Variants in PRKDC observed in about 807,000 individuals in gnomAD.
PRKDC encodes the protein protein kinase, DNA-activated, catalytic subunit.
Under a neutral mutation model 486.9 loss-of-function variants are expected in PRKDC, and 82 were observed. The ratio of observed to expected loss-of-function variants is 0.17; its 90% CI spans 0.14 to 0.20. The LOEUF (loss-of-function observed/expected upper bound fraction) is 0.20, where lower values mean the gene tolerates loss of function less well. Ranked by LOEUF, PRKDC falls within the 10% of genes least tolerant of loss-of-function variation. PRKDC has a pLI of 1.00. For synonymous variants in PRKDC, 1,895 were observed against 1,837.0 expected, an observed-to-expected ratio of 1.03 and a Z score of -0.81; for missense variants, 4,504 against 5,038.2, an observed-to-expected ratio of 0.89 and a Z score of 3.21.
At chr8:47,810,301 T>A (rs766031168) in intron 68 of PRKDC, among the ~76,000 whole-genome samples, 1 of 152,242 alleles carries the variant, frequency 6.6e-6, no homozygotes, top group South Asian at 2.1e-4. Context: ...CAGACCACAC[T>A]CACATAACGT....
intron 51 of PRKDC, 41 bp from the exon 52 acceptor site, chr8:47,852,825 A>G (rs1249410748): frequency 8.0e-7 from 1 of 1,253,706 alleles, no homozygotes; most frequent in South Asian, 1.3e-5. Flanking sequence ...CAAATAAACC[A>G]TTCTGTTGTT....
intron 51 of PRKDC, 79 bp downstream of exon 51, chr8:47,853,995 CTTAAAATTA>C: frequency 1.3e-6 from 2 of 1,516,038 alleles, no homozygotes; most frequent in Non-Finnish European, 1.8e-6. Context: ...GGGTCTGGTC[CTTAAAATTA>C]TCAAAACTGC....
chr8:47,788,790 G>T, intron 76 of PRKDC, 116 bp downstream of exon 76: 1 of 1,072,070 alleles, frequency 9.3e-7, no homozygotes, highest in Non-Finnish European at 1.2e-6. Context: ...CATTTTAAAT[G>T]CAGAACTGTT....
rs563239356 is a variant in PRKDC at position 47,834,986 on chromosome 8, G to A, written c.7952-590C>T. Reference sequence around the variant, plus strand: ...ATTACAGGCGTGAGCCACAGCGCCCGGCCCCCTGACTTCTAATATTAGTGT... The same window carrying A: ...ATTACAGGCGTGAGCCACAGCGCCCAGCCCCCTGACTTCTAATATTAGTGT... On this transcript the variant is annotated intron_variant, in intron 58 of 85. Coordinates refer to ENST00000314191, the MANE Select transcript of PRKDC (RefSeq NM_006904.7). Among the ~76,000 whole-genome samples, 221 of 152,218 alleles carry A rather than the reference G, an allele frequency of 1.5e-3. 1 individual carries two copies. The highest frequency in any genetic ancestry group is 5.0e-3 in the African/African-American group (208 of 41,538).
intron 85 of PRKDC, 94 bp from the exon 86 acceptor site, chr8:47,774,471 G>A (rs570158714): frequency 2.0e-5 from 23 of 1,152,608 alleles, no homozygotes; most frequent in Middle Eastern, 2.9e-4. Flanking sequence ...CATTCCCCAC[G>A]TCATCACTCA....
intron 39 of PRKDC, among the ~76,000 whole-genome samples, chr8:47,878,320 T>C (rs976634435): frequency 1.3e-5 from 2 of 152,274 alleles, no homozygotes; most frequent in African/African-American, 4.8e-5. Context: ...TTAGCCAGGA[T>C]GGTCTCGATC....
chr8:47,776,667 C>A (rs2086613050), intron 85 of PRKDC, among the ~76,000 whole-genome samples, 177 bp downstream of exon 85: 1 of 152,178 alleles, frequency 6.6e-6, no homozygotes, highest in African/African-American at 2.4e-5. Flanking sequence ...GAGTTGCAGG[C>A]CTTGCCCTGG....
chr8:47,949,512 A>T (rs1160883765), intron 7 of PRKDC, among the ~76,000 whole-genome samples: 1 of 152,234 alleles, frequency 6.6e-6, no homozygotes, highest in Non-Finnish European at 1.5e-5. Context: ...CTTCCACTAT[A>T]TATGTTCACT....
chr8:47,840,257 G>A, intron 54 of PRKDC, 68 bp from the exon 55 acceptor site: 1 of 1,308,150 alleles, frequency 7.6e-7, no homozygotes, highest in Non-Finnish European at 1.0e-6. Flanking sequence ...AAGTATGACA[G>A]GCAACTTTTT....
intron 68 of PRKDC, among the ~76,000 whole-genome samples, chr8:47,815,580 T>G (rs2087426199): frequency 6.6e-6 from 1 of 152,210 alleles, no homozygotes; most frequent in Admixed American, 6.5e-5. Flanking sequence ...AAGGACAGTA[T>G]AGGTTATATC....
chr8:47,797,800 C>A (rs1044249618), intron 73 of PRKDC, among the ~76,000 whole-genome samples: 1 of 152,184 alleles, frequency 6.6e-6, no homozygotes, highest in Non-Finnish European at 1.5e-5. Flanking sequence ...GCTCCCAGAC[C>A]CCTCTGGACA....
intron 68 of PRKDC, among the ~76,000 whole-genome samples, chr8:47,814,043 G>A (rs1258985430): frequency 6.6e-6 from 1 of 152,030 alleles, no homozygotes; most frequent in East Asian, 1.9e-4. Flanking sequence ...GACCGTATTG[G>A]GTTTACCCTA....
chr8:47,862,967 C>T (rs2088711756), intron 42 of PRKDC, among the ~76,000 whole-genome samples: 1 of 152,102 alleles, frequency 6.6e-6, no homozygotes, highest in Admixed American at 6.5e-5. Flanking sequence ...GAGGAGAACT[C>T]CATTAAAAGA....
chr8:47,943,337 A>T lies in PRKDC; in HGVS notation c.838T>A (p.Ser280Thr), dbSNP rs2090476930. 1 of 1,610,884 alleles carries T rather than the reference A, an allele frequency of 6.2e-7. No homozygotes were observed. Among genetic ancestry groups the T allele is most frequent in the Admixed American group, 1.7e-5 (1 of 59,458 alleles). ...TCCAGAAGGCAGGTGCTAAACTGAG[A>T]TGCATGCAGGGCAAATAGGCGCAAG... is the stretch of plus-strand genomic sequence containing the variant. ...AGLRLFALHA[S>T]QFSTCLLDNY... The change falls in exon 10 of 86, where the codon TCT becomes ACT. Residue 280 changes from serine to threonine, a missense_variant. Around this residue, in one of 6 missense-constraint regions of PRKDC, gnomAD observed 1,969 missense variants for 2,068.9 expected, o/e 0.95. Coordinates refer to ENST00000314191, the MANE Select transcript of PRKDC (RefSeq NM_006904.7).
At chr8:47,927,729 C>T (rs752284863) in intron 20 of PRKDC, 42 bp downstream of exon 20, 4 of 1,459,796 alleles carry the variant, frequency 2.7e-6, no homozygotes, top group African/African-American at 1.4e-5. Flanking sequence ...CTGGGACTCA[C>T]AACAGCGATG....
At position 47,825,769 on chromosome 8, in the gene PRKDC, G is replaced by A. The variant is rs371526508; in HGVS notation, c.8783+887C>T. ...AAGCAACAGGAGAAAACGGTTCCTA[G>A]GTAAAATCAGCATAGCTCAGAGGCC... is the stretch of plus-strand genomic sequence containing the variant. On this transcript the variant is annotated intron_variant, in intron 63 of 85. Transcript: ENST00000314191. 3.8e-3 allele frequency among the ~76,000 whole-genome samples: 586 copies of A among 152,246 alleles called. 4 individuals are homozygous for A. The highest frequency in any genetic ancestry group is 0.025 in the South Asian group (121 of 4,816).
At chr8:47,779,400 TA>T (rs2086661874) in intron 80 of PRKDC, 1 of 226,858 alleles carries the variant, frequency 4.4e-6, no homozygotes, top group African/African-American at 2.3e-5. Flanking sequence ...GAACTAAACA[TA>T]ACTGTTTATT....
chr8:47,774,237 A>T lies in PRKDC; in HGVS notation c.12323T>A (p.Met4108Lys). Residue 4108 changes from methionine to lysine, a missense_variant, in exon 86 of 86, where the codon ATG (methionine) becomes AAG (lysine). Physicochemically the swap from Met to Lys is moderately conservative, Grantham distance 95 (BLOSUM62 -1). This residue lies in a region of PRKDC where 706 missense variants were observed against 945.0 expected (regional missense o/e 0.75). Transcript: ENST00000314191. ...LSEETQVKCL[M>K]DQATDPNILG... ...GATGTTGGGGTCTGTTGCCTGGTCC[A>T]TCAGGCACTTCACTTGAGTCTCTTC... 6.2e-7 allele frequency: 1 copy of T among 1,603,468 alleles called. No individual in the cohort carries two copies. The highest frequency in any genetic ancestry group is 8.5e-7 in the Non-Finnish European group (1 of 1,175,084).
chr8:47,933,945 C>T lies in PRKDC; in HGVS notation c.1623+20G>A, dbSNP rs1178511978. ...TAAAGGAAGTAAGGTACATTTATGG[C>T]TTTCAATGGTAAATGTTACCATCAT... On this transcript the variant is annotated intron_variant, in intron 15 of 85. Transcript: ENST00000314191. The T allele has an allele frequency of 6.2e-7, 1 of 1,600,818 alleles. No homozygotes were observed. Among genetic ancestry groups the T allele is most frequent in the Non-Finnish European group, 8.5e-7 (1 of 1,172,226 alleles).
Sources: allele counts gnomAD v4.1 joint callset (sites outside exome capture counted in the v4.1 genomes callset), GRCh38; gene constraint gnomAD v4.1.1; regional missense constraint gnomAD v4.1.1; transcripts MANE v1.5; gene names NCBI Gene and HGNC (gene_info 2026-07-23, HGNC 2026-07-21).